The following ANOS1 variants were observed in gnomAD, a reference collection of about 807,000 sequenced individuals.
The protein encoded by ANOS1 is anosmin-1.
Under a neutral mutation model 59.0 loss-of-function variants are expected in ANOS1, and 6 were observed. That is an observed-to-expected ratio of 0.10 (90% CI 0.06 to 0.20). ANOS1 has a LOEUF of 0.20. Ranked by LOEUF, ANOS1 falls within the 10% of genes least tolerant of loss-of-function variation. ANOS1 has a pLI of 1.00. For synonymous variants in ANOS1, 217 were observed against 223.4 expected, an observed-to-expected ratio of 0.97 and a Z score of 0.25; for missense variants, 433 against 542.3, an observed-to-expected ratio of 0.80 and a Z score of 2.00.
At chrX:8,685,921 G>C (rs762034659) in intron 2 of ANOS1, among the ~76,000 whole-genome samples, 3 of 111,684 alleles carry the variant, frequency 2.7e-5, no homozygotes, top group Admixed American at 1.9e-4. Flanking sequence ...ATCTGTGAAG[G>C]CAGGGCCAAA....
chrX:8,704,915 CTTA>C (rs1363924156), intron 1 of ANOS1, among the ~76,000 whole-genome samples: 3 of 111,371 alleles, frequency 2.7e-5, no homozygotes, highest in African/African-American at 6.5e-5. Context: ...CTGATTCAGT[CTTA>C]TTATAGTGAG....
At chrX:8,569,351 A>C (rs987236915) in intron 7 of ANOS1, among the ~76,000 whole-genome samples, 7 of 112,567 alleles carry the variant, frequency 6.2e-5, no homozygotes, top group African/African-American at 2.3e-4. Flanking sequence ...ATTTCATAAA[A>C]ATAAAGTGGG....
intron 3 of ANOS1, among the ~76,000 whole-genome samples, chrX:8,622,982 T>C (rs1454307684): frequency 9.1e-6 from 1 of 110,452 alleles, no homozygotes; most frequent in African/African-American, 3.3e-5. Flanking sequence ...AGATAGATAA[T>C]AGATAGATGG....
chrX:8,718,658 C>T (rs979511621), intron 1 of ANOS1, among the ~76,000 whole-genome samples: 3 of 111,911 alleles, frequency 2.7e-5, no homozygotes, highest in African/African-American at 9.7e-5. Context: ...GTTTGTAATT[C>T]TGCCTTTATG....
At chrX:8,620,383 C>T (rs929836840) in intron 3 of ANOS1, among the ~76,000 whole-genome samples, 8 of 111,846 alleles carry the variant, frequency 7.2e-5, no homozygotes, top group African/African-American at 6.5e-5. Context: ...CATACCGGGC[C>T]GAACATGTCT....
At chrX:8,572,329 ATG>A (rs765302371) in intron 6 of ANOS1, among the ~76,000 whole-genome samples, 1 of 108,718 alleles carries the variant, frequency 9.2e-6, no homozygotes, top group Non-Finnish European at 1.9e-5. Context: ...GCTCCCCTCC[ATG>A]TGTCCATGTG....
At chrX:8,540,795 G>A (rs1200281916) in intron 9 of ANOS1, among the ~76,000 whole-genome samples, 5 of 110,163 alleles carry the variant, frequency 4.5e-5, no homozygotes, top group South Asian at 4.0e-4. Flanking sequence ...CTTTAAATCC[G>A]AGAAAGCAAA....
chrX:8,630,939 A>C (rs1931478745), intron 2 of ANOS1, among the ~76,000 whole-genome samples: 1 of 112,643 alleles, frequency 8.9e-6, no homozygotes, highest in Non-Finnish European at 1.9e-5. Context: ...TAACCTATGA[A>C]AGGGAATATG....
intron 2 of ANOS1, among the ~76,000 whole-genome samples, chrX:8,648,114 C>T (rs1007894130): frequency 2.7e-5 from 3 of 112,002 alleles, no homozygotes; most frequent in East Asian, 2.8e-4. Flanking sequence ...AACTAATCTT[C>T]GTAGTGGAAA....
chrX:8,568,837 T>G (rs765971892), intron 7 of ANOS1, among the ~76,000 whole-genome samples: 6 of 110,431 alleles, frequency 5.4e-5, no homozygotes, highest in African/African-American at 2.0e-4. Flanking sequence ...TATAATGAAA[T>G]AAAAAATAAA....
intron 6 of ANOS1, among the ~76,000 whole-genome samples, chrX:8,572,577 T>C (rs1930251481): frequency 8.9e-6 from 1 of 112,163 alleles, no homozygotes; most frequent in Non-Finnish European, 1.9e-5. Flanking sequence ...CTATTGTGAA[T>C]AGTGCTGCAA....
intron 3 of ANOS1, among the ~76,000 whole-genome samples, chrX:8,601,394 A>T (rs978811599): frequency 1.8e-5 from 2 of 111,063 alleles, no homozygotes; most frequent in Non-Finnish European, 3.8e-5. Flanking sequence ...TATTCTAATT[A>T]TCTATATGCC....
chrX:8,654,398 T>C (rs747374832), intron 2 of ANOS1, among the ~76,000 whole-genome samples: 28 of 112,663 alleles, frequency 2.5e-4, no homozygotes, highest in Non-Finnish European at 4.5e-4. Context: ...CTCTATTCCA[T>C]TCACCTGTAC....
At position 8,622,924 on chromosome X, in the gene ANOS1, G is replaced by T. The variant is rs745646178; in HGVS notation, c.318+684C>A. Among the ~76,000 whole-genome samples the T allele has an allele frequency of 3.6e-5, 4 of 111,985 alleles. No individual in the cohort carries two copies. The Admixed American group carries it at 3.8e-4, about 11-fold the overall frequency. On this transcript the variant is annotated intron_variant, in intron 3 of 13. Coordinates refer to ENST00000262648, the MANE Select transcript of ANOS1 (RefSeq NM_000216.4). ...GAGAGATGAATGGGTAGATACAAGG[G>T]TGGATGGCTGGATGGATGAATGGAT...
intron 2 of ANOS1, among the ~76,000 whole-genome samples, chrX:8,666,441 A>G (rs930991311): frequency 2.6e-4 from 29 of 111,736 alleles, no homozygotes; most frequent in Non-Finnish European, 3.2e-4. Context: ...TATATCATAA[A>G]TGTCATAATA....
At chrX:8,651,252 A>G (rs1353937233) in intron 2 of ANOS1, among the ~76,000 whole-genome samples, 1 of 112,454 alleles carries the variant, frequency 8.9e-6, no homozygotes, top group Non-Finnish European at 1.9e-5. Context: ...CACCCTGATC[A>G]AAAGCAGATG....
chrX:8,566,283 T>A, intron 8 of ANOS1: 1 of 747,589 alleles, frequency 1.3e-6, no homozygotes, highest in Non-Finnish European at 1.6e-6. Flanking sequence ...TAGGCACTTT[T>A]AAGGCAGAAA....
intron 3 of ANOS1, among the ~76,000 whole-genome samples, chrX:8,606,317 A>C (rs902608246): frequency 8.9e-6 from 1 of 112,057 alleles, no homozygotes; most frequent in African/African-American, 3.2e-5. Flanking sequence ...TGAAACTAAA[A>C]TTAAATAAAA....
intron 6 of ANOS1, among the ~76,000 whole-genome samples, chrX:8,573,846 T>C (rs1371156170): frequency 3.6e-5 from 4 of 111,483 alleles, no homozygotes; most frequent in Non-Finnish European, 7.5e-5. Flanking sequence ...TCCACTCATA[T>C]CTCTTGAGCA....
Sources: allele counts gnomAD v4.1 joint callset (sites outside exome capture counted in the v4.1 genomes callset), GRCh38; gene constraint gnomAD v4.1.1; transcripts MANE v1.5; gene names NCBI Gene and HGNC (gene_info 2026-07-23, HGNC 2026-07-21).